The following ZNF568 variants were observed in gnomAD, a reference collection of about 807,000 sequenced individuals.
The protein encoded by ZNF568 is zinc finger protein 568.
In ZNF568, 11 loss-of-function variants were observed where a neutral mutation model predicts 18.1. That is an observed-to-expected ratio of 0.61 (90% CI 0.38 to 1.00). The LOEUF is 1.00. Among genes scored for constraint, ZNF568 ranks in the 50% least tolerant of loss-of-function variants. The pLI is 0.01. For synonymous variants in ZNF568, 213 were observed against 246.6 expected (o/e 0.86, Z 1.28); for missense variants, 639 against 768.2 (o/e 0.83, Z 1.99).
At chr19:36,926,437 C>T (rs531321190) in intron 4 of ZNF568, among the ~76,000 whole-genome samples, 15 of 152,216 alleles carry the variant, frequency 9.9e-5, no homozygotes, top group Admixed American at 7.2e-4. Context: ...CTCTGGCCCT[C>T]GACAGGCTTG....
chr19:36,991,158 A>G, intron 2 of ZNF568: 1 of 1,523,724 alleles, frequency 6.6e-7, no homozygotes, highest in South Asian at 1.2e-5. Flanking sequence ...CAAATGGTGT[A>G]TTTATTTTTG....
chr19:36,955,468 T>TTTACTGATCTTGTGTC (rs1413288870), downstream of ZNF568, among the ~76,000 whole-genome samples: 4 of 152,268 alleles, frequency 2.6e-5, no homozygotes, highest in African/African-American at 9.6e-5. Context: ...AAAAGGGCGT[T>TTTACTGATCTTGTGTC]TTACTGATCT....
At position 36,921,436 on chromosome 19, in the gene ZNF568, G is replaced by A. The variant is rs1052095009; in HGVS notation, c.-185-1150G>A. On this transcript the variant is annotated intron_variant, in intron 2 of 6. Coordinates refer to ENST00000333987, the MANE Select transcript of ZNF568 (RefSeq NM_198539.4). ...AGATTGTGCCATTGCACTCCAGCCT[G>A]GGCAACAAGAGCGAAACTCCATCCA... Among the ~76,000 whole-genome samples, 3 of 151,648 alleles carry A rather than the reference G, an allele frequency of 2.0e-5. No individual in the cohort carries two copies. In the East Asian group the frequency reaches 5.8e-4, roughly 29 times the overall value.
chr19:36,966,884 G>T (rs1054086743), intron 6 of ZNF568, among the ~76,000 whole-genome samples: 2 of 152,224 alleles, frequency 1.3e-5, no homozygotes, highest in African/African-American at 2.4e-5. Context: ...CCCTTCTCAT[G>T]AGAGACCGTG....
At chr19:36,987,876 G>A (rs1374903110) in intron 2 of ZNF568, among the ~76,000 whole-genome samples, 2 of 140,338 alleles carry the variant, frequency 1.4e-5, no homozygotes, top group African/African-American at 5.2e-5. Flanking sequence ...CAGGGATGGG[G>A]TGAAGGGATT....
At chr19:36,993,193 C>A (rs1436754375) in intron 4 of ZNF568, among the ~76,000 whole-genome samples, 1 of 152,168 alleles carries the variant, frequency 6.6e-6, no homozygotes, top group Non-Finnish European at 1.5e-5. Context: ...TTTTCTGCAT[C>A]TATTAAGACA....
intron 4 of ZNF568, among the ~76,000 whole-genome samples, chr19:36,994,652 C>T (rs1262778542): frequency 3.3e-5 from 5 of 152,032 alleles, no homozygotes; most frequent in Non-Finnish European, 7.4e-5. Flanking sequence ...TATAAAATAT[C>T]CTTTTTTCTG....
chr19:36,976,759 A>T (rs1390742306), intron 7 of ZNF568, among the ~76,000 whole-genome samples: 2 of 152,128 alleles, frequency 1.3e-5, no homozygotes, highest in Non-Finnish European at 2.9e-5. Context: ...AAAAATACAA[A>T]ATTAGCCAGA....
intron 4 of ZNF568, among the ~76,000 whole-genome samples, chr19:36,933,707 G>A (rs998579339): frequency 2.0e-5 from 3 of 146,636 alleles, no homozygotes; most frequent in African/African-American, 2.7e-5. Flanking sequence ...GGGGTGGTGC[G>A]TGTGTGTGTG....
At chr19:36,983,358 A>G (rs2074347087), downstream of ZNF568, among the ~76,000 whole-genome samples, 1 of 151,826 alleles carries the variant, frequency 6.6e-6, no homozygotes, top group Admixed American at 6.6e-5. Flanking sequence ...GAGCAAGGCC[A>G]CTCTTCAGAT....
At chr19:36,931,580 C>G (rs894128448) in intron 4 of ZNF568, 2 of 151,996 alleles carry the variant, frequency 1.3e-5, no homozygotes, top group Non-Finnish European at 2.9e-5. Flanking sequence ...GTTACCAAGG[C>G]TGTTCTCGAA....
At chr19:36,939,610 G>A (rs1278256569) in intron 6 of ZNF568, among the ~76,000 whole-genome samples, 1 of 137,132 alleles carries the variant, frequency 7.3e-6, no homozygotes, top group Non-Finnish European at 1.5e-5. Context: ...TGCAGTCTCA[G>A]CTCACTGCAA....
At chr19:36,948,545 C>T (rs2074001476) in intron 6 of ZNF568, among the ~76,000 whole-genome samples, 1 of 151,998 alleles carries the variant, frequency 6.6e-6, no homozygotes, top group Non-Finnish European at 1.5e-5. Flanking sequence ...AGACTGTCTT[C>T]CAAAGTGGCT....
At chr19:36,994,295 A>C (rs1303755118) in intron 4 of ZNF568, among the ~76,000 whole-genome samples, 1 of 152,116 alleles carries the variant, frequency 6.6e-6, no homozygotes, top group Admixed American at 6.5e-5. Flanking sequence ...CAATCCTCTT[A>C]CATTTATTGA....
At chr19:36,953,677 C>T (rs141327507), downstream of ZNF568, among the ~76,000 whole-genome samples, 36,670 of 152,000 alleles carry the variant, frequency 0.24, 5,167 homozygotes, top group Non-Finnish European at 0.32. Context: ...TTTGGGAGGC[C>T]GAGGCGGGTG....
exon 5 of ZNF568, chr19:36,996,892 G>A (rs753058787): frequency 6.5e-7 from 1 of 1,538,710 alleles, no homozygotes; most frequent in South Asian, 1.2e-5. Context: ...TAGGGAGTGT[G>A]GGAAAGCCTT....
At chr19:36,981,841 T>G (rs906523020), downstream of ZNF568, among the ~76,000 whole-genome samples, 1 of 151,292 alleles carries the variant, frequency 6.6e-6, no homozygotes, top group African/African-American at 2.4e-5. Flanking sequence ...GCCACTACAC[T>G]CCAGCCTGGG....
At chr19:36,975,946 G>A (rs925728979) in intron 7 of ZNF568, among the ~76,000 whole-genome samples, 4 of 151,570 alleles carry the variant, frequency 2.6e-5, no homozygotes, top group African/African-American at 9.7e-5. Flanking sequence ...TCCCTGCCTC[G>A]GCCTCCCAAA....
In ZNF568 at chr19:36,937,218, G is replaced by A. The variant is rs760512969; in HGVS notation, c.334G>A (p.Glu112Lys). ...AGAGGAGCCCTGGGTGATGGAGGAA[G>A]AAATGTTTGGGAGGCACTGTCCAGG... ...QEEEPWVMEE[E>K]MFGRHCPEVW... Residue 112 changes from glutamate (E) to lysine (K), a missense_variant, in exon 6 of 7, where the codon GAA (glutamate) becomes AAA (lysine). Physicochemically the swap from Glu to Lys is moderately conservative, Grantham distance 56 (BLOSUM62 1). Transcript: ENST00000333987. The A allele has an allele frequency of 6.2e-7, 1 of 1,614,024 alleles. No homozygotes were observed. The highest frequency in any genetic ancestry group is 1.1e-5 in the South Asian group (1 of 91,072).
Sources: allele counts gnomAD v4.1 joint callset (sites outside exome capture counted in the v4.1 genomes callset), GRCh38; gene constraint gnomAD v4.1.1; transcripts MANE v1.5; gene names NCBI Gene and HGNC (gene_info 2026-07-23, HGNC 2026-07-21).